Variants in WDR49 observed in about 807,000 individuals in gnomAD.
WDR49 encodes the protein cilia- and flagella-associated protein 337.
A neutral mutation model predicts 119.5 loss-of-function variants in WDR49; 107 were observed. The ratio of observed to expected loss-of-function variants is 0.90; its 90% CI spans 0.77 to 1.05. The LOEUF (loss-of-function observed/expected upper bound fraction) is 1.05, where lower values mean the gene tolerates loss of function less well. WDR49 is among the 50% of genes least tolerant of loss of function. The pLI, the probability that WDR49 is intolerant of heterozygous loss-of-function variation, is 0.00. For missense variants in WDR49, 1,240 were observed against 1,220.5 expected, an observed-to-expected ratio of 1.02 and a Z score of -0.24; for synonymous variants, 425 against 418.8, an observed-to-expected ratio of 1.01 and a Z score of -0.18.
chr3:167,514,905 C>A (rs1468027156), intron 16 of WDR49, among the ~76,000 whole-genome samples: 2 of 152,082 alleles, frequency 1.3e-5, no homozygotes, highest in African/African-American at 4.8e-5. Flanking sequence ...AATTCCTGGA[C>A]ACAAACACCC....
At chr3:167,498,367 A>G (rs1023402151) in intron 18 of WDR49, among the ~76,000 whole-genome samples, 1 of 152,172 alleles carries the variant, frequency 6.6e-6, no homozygotes, top group Non-Finnish European at 1.5e-5. Flanking sequence ...CCCACAAAAT[A>G]TGAGACTCAA....
At chr3:167,649,088 AC>A (rs1559932486) in intron 2 of WDR49, among the ~76,000 whole-genome samples, 1 of 152,120 alleles carries the variant, frequency 6.6e-6, no homozygotes, top group South Asian at 2.1e-4. Flanking sequence ...AGGGAGTGAA[AC>A]AAAAATGAGT....
chr3:167,656,173 C>T (rs180732298), upstream of WDR49, among the ~76,000 whole-genome samples: 22 of 152,162 alleles, frequency 1.4e-4, no homozygotes, highest in Admixed American at 8.5e-4. Flanking sequence ...ACACACAGAA[C>T]GGGGGTGTAT....
chr3:167,522,663 G>A (rs1361151904), intron 15 of WDR49, among the ~76,000 whole-genome samples, 179 bp from the exon 16 acceptor site: 1 of 152,098 alleles, frequency 6.6e-6, no homozygotes, highest in African/African-American at 2.4e-5. Context: ...AAATGAAAGA[G>A]TTTCATGTAA....
chr3:167,500,308 CA>C lies in WDR49; in HGVS notation c.2885-10del, dbSNP rs1560252928. 1.2e-6 allele frequency: 2 copies of C among 1,605,266 alleles called. No homozygotes were observed. Among genetic ancestry groups the C allele is most frequent in the Non-Finnish European group, 1.7e-6 (2 of 1,177,280 alleles). Reference sequence around the variant, plus strand: ...TAATGACCTAAATGTACCTTCACAACAGCAGGTTTTAGAGGAAGACAGGGAG... The same window carrying C: ...TAATGACCTAAATGTACCTTCACAACGCAGGTTTTAGAGGAAGACAGGGAG... On this transcript the variant is annotated splice_polypyrimidine_tract_variant and intron_variant, in intron 17 of 18. Transcript: ENST00000682715.
intron 2 of WDR49, among the ~76,000 whole-genome samples, chr3:167,642,560 T>C (rs1254330305): frequency 1.3e-5 from 2 of 151,892 alleles, no homozygotes; most frequent in African/African-American, 4.8e-5. Flanking sequence ...TATGTATAGA[T>C]CAATAAATAT....
At chr3:167,579,007 T>A (rs1234253812) in intron 7 of WDR49, among the ~76,000 whole-genome samples, 1 of 152,148 alleles carries the variant, frequency 6.6e-6, no homozygotes, top group Non-Finnish European at 1.5e-5. Flanking sequence ...TATGTGAGTT[T>A]TTACAAGATC....
chr3:167,482,500 T>C (rs1263935989), intron 18 of WDR49, among the ~76,000 whole-genome samples: 2 of 133,446 alleles, frequency 1.5e-5, no homozygotes, highest in African/African-American at 5.4e-5. Context: ...AAACCCCGTC[T>C]CTACTAAAAA....
chr3:167,630,462 C>G (rs1362002594), intron 2 of WDR49, among the ~76,000 whole-genome samples: 1 of 152,088 alleles, frequency 6.6e-6, no homozygotes, highest in African/African-American at 2.4e-5. Flanking sequence ...CTGATACCCA[C>G]TTTACTGCAG....
chr3:167,641,105 A>G (rs1192960653), intron 2 of WDR49, among the ~76,000 whole-genome samples: 1 of 151,928 alleles, frequency 6.6e-6, no homozygotes, highest in Non-Finnish European at 1.5e-5. Context: ...GGGCAGGCAG[A>G]GGTGATTTTA....
At chr3:167,555,474 G>C (rs1301490996) in intron 9 of WDR49, among the ~76,000 whole-genome samples, 2 of 152,144 alleles carry the variant, frequency 1.3e-5, no homozygotes, top group African/African-American at 2.4e-5. Context: ...CAGATCCAAG[G>C]AGAGGGTCAC....
Position 167,620,524 on chromosome 3 carries a change from G to T in WDR49, c.863C>A (p.Thr288Asn). Residue 288 changes from threonine to asparagine, a missense_variant, in exon 5 of 19, where the codon ACT (threonine) becomes AAT (asparagine). Thr to Asn is a moderately conservative substitution (Grantham distance 65). Transcript: ENST00000682715. ...CAGCTCTGCCCAGTTAATGGTCATA[G>T]TGGCTTCTCCATCTTCACATGCACT... ...PASACEDGEA[T>N]MTINWAELLS... The T allele has an allele frequency of 6.5e-7, 1 of 1,535,982 alleles. No homozygotes were observed. The highest frequency in any genetic ancestry group is 2.4e-5 in the East Asian group (1 of 40,912).
intron 7 of WDR49, among the ~76,000 whole-genome samples, chr3:167,583,877 A>AT (rs1714678950): frequency 6.6e-6 from 1 of 152,204 alleles, no homozygotes; most frequent in African/African-American, 2.4e-5. Flanking sequence ...ATAACTATAT[A>AT]TTAGTAACAG....
chr3:167,604,375 C>T lies in WDR49; in HGVS notation c.1052G>A (p.Arg351His), dbSNP rs74903439. The T allele has an allele frequency of 1.5e-4, 247 of 1,613,714 alleles. No homozygotes were observed. The highest frequency in any genetic ancestry group is 6.1e-4 in the African/African-American group (46 of 74,990). Residue 351 changes from arginine to histidine, a missense_variant, in exon 6 of 19, where the codon CGT becomes CAT. Arg to His is a conservative substitution (Grantham distance 29). Coordinates refer to ENST00000682715, the MANE Select transcript of WDR49 (RefSeq NM_001366157.1). ...AATGTTGAAGGATGTCATATTAAGA[C>T]GCTTTTTTGATTTCTCTCTCCAAGC... ...VMAWREKSKK[R>H]LNMTSFNIAQ...
chr3:167,605,483 A>G (rs1285226568), intron 5 of WDR49, among the ~76,000 whole-genome samples: 1 of 152,194 alleles, frequency 6.6e-6, no homozygotes, highest in Non-Finnish European at 1.5e-5. Flanking sequence ...GATAAAGATA[A>G]TAAGAAAAAA....
chr3:167,514,111 G>T (rs569960285), intron 16 of WDR49, among the ~76,000 whole-genome samples: 2 of 152,230 alleles, frequency 1.3e-5, no homozygotes, highest in Non-Finnish European at 2.9e-5. Context: ...AAGTGGACCT[G>T]ATAGAGATTT....
chr3:167,479,799 T>G (rs1021790199), intron 18 of WDR49, among the ~76,000 whole-genome samples: 2 of 152,092 alleles, frequency 1.3e-5, no homozygotes, highest in African/African-American at 4.8e-5. Flanking sequence ...TTAAAAAGCT[T>G]TAAGAATTAG....
intron 2 of WDR49, among the ~76,000 whole-genome samples, chr3:167,630,076 G>A (rs1717302159): frequency 2.0e-5 from 3 of 152,112 alleles, no homozygotes; most frequent in Non-Finnish European, 4.4e-5. Context: ...AAATTCTATT[G>A]TGAGTAAAAC....
intron 8 of WDR49, among the ~76,000 whole-genome samples, chr3:167,563,042 G>A (rs1454199388): frequency 6.6e-6 from 1 of 152,182 alleles, no homozygotes; most frequent in Non-Finnish European, 1.5e-5. Flanking sequence ...CTCCAACTAT[G>A]ACAGTGAATG....
Sources: gnomAD v4.1 joint callset for allele counts (sites outside exome capture counted in the v4.1 genomes callset) on GRCh38, gnomAD v4.1.1 for gene constraint, MANE v1.5 for transcripts, NCBI Gene and HGNC (gene_info 2026-07-23, HGNC 2026-07-21) for gene names.